VWA5B2: variants seen among roughly 807,000 people sequenced by gnomAD.
VWA5B2 encodes von Willebrand factor A domain containing 5B2.
A neutral mutation model predicts 118.5 loss-of-function variants in VWA5B2; 93 were observed. The observed-to-expected ratio is 0.79, with a 90% CI of 0.66 to 0.93. The LOEUF (loss-of-function observed/expected upper bound fraction) is 0.93, where lower values mean the gene tolerates loss of function less well. Ranked by LOEUF, VWA5B2 falls within the 40% of genes least tolerant of loss-of-function variation. The probability of loss-of-function intolerance (pLI) is 0.00; values close to 1 mark genes in which losing one functional copy is unlikely to be tolerated. For missense variants in VWA5B2, 1,546 were observed against 1,672.8 expected (o/e 0.92, Z 1.32); for synonymous variants, 708 against 716.3 (o/e 0.99, Z 0.19).
Position 184,233,487 on chromosome 3 carries a change from G to C in VWA5B2, c.531-89G>C, listed in dbSNP as rs931689475. 1 of 1,507,310 alleles carries C rather than the reference G, an allele frequency of 6.6e-7. No individual in the cohort carries two copies. Among genetic ancestry groups the C allele is most frequent in the Non-Finnish European group, 8.9e-7 (1 of 1,124,972 alleles). 93.4% of individuals were successfully genotyped at this position (1,507,310 alleles called of 1,614,324 possible). ...GGCACTGGCAGGGTACCCAGGGATG[G>C]GAAGGGTGAGGAAGGGCTGGGGCCA... On this transcript the variant is annotated intron_variant, in intron 4 of 19. Coordinates refer to ENST00000691901, the MANE Select transcript of VWA5B2 (RefSeq NM_001390846.1). The surrounding 1 kb of genome is among the most constrained non-coding windows in gnomAD (Gnocchi z 5.2).
intron 16 of VWA5B2, 25 bp downstream of exon 16, chr3:184,240,061 G>A: frequency 6.7e-7 from 1 of 1,487,672 alleles, no homozygotes; most frequent in Non-Finnish European, 9.0e-7. Flanking sequence ...GGTCCAGTCA[G>A]GACCCAAAGG....
chr3:184,238,171 CCTT>C lies in VWA5B2; in HGVS notation c.1720-128_1720-126del. The C allele has an allele frequency of 1.3e-6, 1 of 769,104 alleles. No individual in the cohort carries two copies. Among genetic ancestry groups the C allele is most frequent in the East Asian group, 2.9e-5 (1 of 34,906 alleles). The allele number at this position is 769,104 out of a possible 1,614,324, so 47.6% of individuals were successfully genotyped here. A position where few individuals can be genotyped will look rare whatever the true frequency, so the allele number is the denominator to read the frequency against. Reference sequence around the variant, plus strand: ...CTTACAGTGAACATGTCTGCTTCCTCCTTCTTTAGTACTGGTCTTTTGTTTCTG... The same window carrying C: ...CTTACAGTGAACATGTCTGCTTCCTCCTTTAGTACTGGTCTTTTGTTTCTG... On this transcript the variant is annotated intron_variant, in intron 12 of 19. Coordinates refer to ENST00000691901, the MANE Select transcript of VWA5B2 (RefSeq NM_001390846.1). The surrounding 1 kb of genome is among the most constrained non-coding windows in gnomAD (Gnocchi z 5.0).
chr3:184,239,800 A>G lies in VWA5B2; in HGVS notation c.2504A>G (p.Gln835Arg). Residue 835 changes from glutamine to arginine, a missense_variant, in exon 16 of 20, where the codon CAG becomes CGG. Coordinates refer to ENST00000691901, the MANE Select transcript of VWA5B2 (RefSeq NM_001390846.1). The surrounding 1 kb of genome is among the most constrained non-coding windows in gnomAD (Gnocchi z 5.1). ...GELAPPAVPP[Q>R]APRCHVVIRG... ...TTGGCCCCTCCAGCAGTGCCTCCCC[A>G]GGCTCCACGCTGCCATGTGGTGATC... 1 of 1,547,272 alleles carries G rather than the reference A, an allele frequency of 6.5e-7. No individual in the cohort carries two copies. The highest frequency in any genetic ancestry group is 1.2e-5 in the South Asian group (1 of 83,786).
rs1438597020 is a variant in VWA5B2, at chr3:184,238,624, A to G, written c.1953A>G (p.Ile651Met). The change falls in exon 14 of 20, where the codon ATA becomes ATG. Residue 651 changes from isoleucine to methionine, a missense_variant. Around this residue, in one of 3 missense-constraint regions of VWA5B2, gnomAD observed 775 missense variants for 882.3 expected, o/e 0.88. Transcript: ENST00000691901. The surrounding 1 kb of genome is among the most constrained non-coding windows in gnomAD (Gnocchi z 5.0). ...DPGPNPSDTA[I>M]WRRIFQSSYI... ...GACCCAACCCCTCTGACACAGCCAT[A>G]TGGCGCCGCATCTTTCAGTCCTCGT... 1 of 1,551,974 alleles carries G rather than the reference A, an allele frequency of 6.4e-7. No individual in the cohort carries two copies. The highest frequency in any genetic ancestry group is 8.7e-7 in the Non-Finnish European group (1 of 1,147,092).
chr3:184,233,618 G>A lies in VWA5B2; in HGVS notation c.573G>A (p.Gly191=). The change falls in exon 5 of 20, where the codon GGG becomes GGA. Residue 191 remains glycine (G), a synonymous_variant. Transcript: ENST00000691901. The surrounding 1 kb of genome is among the most constrained non-coding windows in gnomAD (Gnocchi z 5.2). ...CFGVGSLQEE[G]LAWEELAAPR... ...GGGTGGGCAGCCTTCAGGAGGAAGG[G>A]CTGGCCTGGGAGGAGCTGGCTGCCC... 1.3e-6 allele frequency: 2 copies of A among 1,551,216 alleles called. No individual in the cohort carries two copies. Among genetic ancestry groups the A allele is most frequent in the Non-Finnish European group, 1.7e-6 (2 of 1,146,904 alleles).
chr3:184,240,015 G>T lies in VWA5B2; in HGVS notation c.2719G>T (p.Ala907Ser), dbSNP rs1427424973. Residue 907 changes from alanine (A) to serine (S), a missense_variant, in exon 16 of 20, where the codon GCA becomes TCA. By Grantham distance (99) the Ala-to-Ser change is moderately conservative. Coordinates refer to ENST00000691901, the MANE Select transcript of VWA5B2 (RefSeq NM_001390846.1). ...TGAGCAGCTGGCCCTCCGAGGAGGGGCAGAGACCACAGCTGACCGGGGTGA... is the reference window on the plus strand; with the variant it reads ...TGAGCAGCTGGCCCTCCGAGGAGGGTCAGAGACCACAGCTGACCGGGGTGA... ...DNEQLALRGG[A>S]ETTADRGHAR... 1.9e-6 allele frequency: 3 copies of T among 1,546,244 alleles called. No individual in the cohort carries two copies. In the East Asian group the frequency reaches 7.3e-5, roughly 38 times the overall value.
chr3:184,234,188 C>G (rs563411615), intron 5 of VWA5B2, 78 bp from the exon 6 acceptor site: 1 of 1,511,228 alleles, frequency 6.6e-7, no homozygotes, highest in African/African-American at 1.4e-5. Flanking sequence ...CTGAATCAGC[C>G]ATGACCCCTG....
intron 7 of VWA5B2, 61 bp downstream of exon 7, chr3:184,234,816 G>A: frequency 6.5e-7 from 1 of 1,547,014 alleles, no homozygotes; most frequent in Non-Finnish European, 8.7e-7. Context: ...ACAAGGAGCA[G>A]GCAAGCAGGC....
chr3:184,229,992 A>G (rs1717201842), intron 1 of VWA5B2, among the ~76,000 whole-genome samples: 1 of 152,136 alleles, frequency 6.6e-6, no homozygotes, highest in South Asian at 2.1e-4. Flanking sequence ...CACCAGGGAG[A>G]GAAAGACCAA....
Position 184,230,538 on chromosome 3 carries a change from C to A in VWA5B2, c.10C>A (p.Leu4Met). The A allele has an allele frequency of 6.8e-7, 1 of 1,477,700 alleles. No individual in the cohort carries two copies. The highest frequency in any genetic ancestry group is 8.9e-7 in the Non-Finnish European group (1 of 1,122,424). The allele number at this position is 1,477,700 out of a possible 1,614,324, so 91.5% of individuals were successfully genotyped here. Residue 4 changes from leucine to methionine, a missense_variant, in exon 2 of 20, where the codon CTG becomes ATG. By Grantham distance (15) the Leu-to-Met change is conservative. Around this residue, in one of 3 missense-constraint regions of VWA5B2, gnomAD observed 775 missense variants for 882.3 expected, o/e 0.88. Transcript: ENST00000691901. ...CCGGCCTCCCGGCGCCATGCCCGGC[C>A]TGTACTGCCCCTCCAGCTGGACGCC... The part of the protein sequence containing the change: MPG[L>M]YCPSSWTPLP...
At position 184,241,275 on chromosome 3, in the gene VWA5B2, G is replaced by C; in HGVS notation, c.3051G>C (p.Thr1017=). Residue 1017 remains threonine, a synonymous_variant, in exon 19 of 20, where the codon ACG becomes ACC. Coordinates refer to ENST00000691901, the MANE Select transcript of VWA5B2 (RefSeq NM_001390846.1). This position sits in a 1 kb window ranked among gnomAD's most constrained non-coding sequence, Gnocchi z 5.1. ...KRALGDPATP[T]EGPRRPPPRP... Reference sequence around the variant, plus strand: ...CTTTGGGGGACCCTGCCACTCCCACGGAAGGTCCTCGCCGCCCACCTCCCC... The same window carrying C: ...CTTTGGGGGACCCTGCCACTCCCACCGAAGGTCCTCGCCGCCCACCTCCCC... 6.4e-7 allele frequency: 1 copy of C among 1,551,370 alleles called. No homozygotes were observed. Among genetic ancestry groups the C allele is most frequent in the Non-Finnish European group, 8.7e-7 (1 of 1,146,966 alleles).
intron 3 of VWA5B2, among the ~76,000 whole-genome samples, chr3:184,231,624 C>T (rs945999582): frequency 6.6e-6 from 1 of 152,226 alleles, no homozygotes; most frequent in Admixed American, 6.5e-5. Context: ...TCTGTCTCCC[C>T]GCTGGAGCAT....
chr3:184,236,601 C>A, intron 10 of VWA5B2, 37 bp from the exon 11 acceptor site: 2 of 1,548,480 alleles, frequency 1.3e-6, no homozygotes, highest in Non-Finnish European at 1.7e-6. Context: ...CCACAAGGGG[C>A]TCCTGAAGAT....
chr3:184,234,908 T>C, intron 7 of VWA5B2, 153 bp downstream of exon 7: 2 of 1,264,670 alleles, frequency 1.6e-6, no homozygotes, highest in Admixed American at 2.7e-5. Context: ...AGAGGACAGA[T>C]GAGTATTGTC....
At position 184,241,204 on chromosome 3, in the gene VWA5B2, C is replaced by A. The variant is rs1718585957; in HGVS notation, c.2980C>A (p.Pro994Thr). 1 of 1,550,516 alleles carries A rather than the reference C, an allele frequency of 6.4e-7. No individual in the cohort carries two copies. The highest frequency in any genetic ancestry group is 8.7e-7 in the Non-Finnish European group (1 of 1,146,320). The change falls in exon 19 of 20, where the codon CCA (proline) becomes ACA (threonine). Residue 994 changes from proline (P) to threonine (T), a missense_variant. Physicochemically the swap from Pro to Thr is conservative, Grantham distance 38. Transcript: ENST00000691901. The surrounding 1 kb of genome is among the most constrained non-coding windows in gnomAD (Gnocchi z 5.1). ...VYSKGLQRGS[P>T]AGAWDSDQNG... ...CACTGCAGGACTTCAGAGAGGCTCT[C>A]CAGCAGGCGCCTGGGACTCGGACCA...
rs1331862741 is a variant in VWA5B2, at chr3:184,241,976, C to A, written c.3667C>A (p.Leu1223Met). Residue 1223 changes from leucine (L) to methionine (M), a missense_variant, in exon 20 of 20, where the codon CTG (leucine) becomes ATG (methionine). By Grantham distance (15) the Leu-to-Met change is conservative (BLOSUM62 2). Coordinates refer to ENST00000691901, the MANE Select transcript of VWA5B2 (RefSeq NM_001390846.1). The surrounding 1 kb of genome is among the most constrained non-coding windows in gnomAD (Gnocchi z 5.1). ...CGCAGCCCGAGGGCTCTTCCTGCTACTGCGCCACTGGGACCAAAACCTGCA... is the reference window on the plus strand; with the variant it reads ...CGCAGCCCGAGGGCTCTTCCTGCTAATGCGCCACTGGGACCAAAACCTGCA... ...KAAARGLFLL[L>M]RHWDQNLQLH... 8.4e-6 allele frequency: 13 copies of A among 1,550,228 alleles called. No individual in the cohort carries two copies. Among genetic ancestry groups the A allele is most frequent in the Non-Finnish European group, 1.1e-5 (13 of 1,146,952 alleles).
At position 184,235,140 on chromosome 3, in the gene VWA5B2, C is replaced by G; in HGVS notation, c.946-13C>G. 1 of 1,549,226 alleles carries G rather than the reference C, an allele frequency of 6.5e-7. No homozygotes were observed. The highest frequency in any genetic ancestry group is 8.7e-7 in the Non-Finnish European group (1 of 1,145,118). Reference sequence around the variant, plus strand: ...AAGCCTTGCCCAGGCTGACTTGGGACTCCCCCGCTCAGGTGTGGTTCCTGC... The same window carrying G: ...AAGCCTTGCCCAGGCTGACTTGGGAGTCCCCCGCTCAGGTGTGGTTCCTGC... On this transcript the variant is annotated splice_polypyrimidine_tract_variant and intron_variant, in intron 7 of 19. Transcript: ENST00000691901.
chr3:184,230,700 G>GGGTGCGCCGGGC, intron 2 of VWA5B2, 33 bp downstream of exon 2: 1 of 1,227,084 alleles, frequency 8.1e-7, no homozygotes, highest in Non-Finnish European at 1.0e-6. Flanking sequence ...GCGCGGCGGG[G>GGGTGCGCCGGGC]GGTGCGCCGG....
chr3:184,231,706 G>T (rs543962442), intron 3 of VWA5B2, among the ~76,000 whole-genome samples: 2 of 152,236 alleles, frequency 1.3e-5, no homozygotes, highest in Non-Finnish European at 2.9e-5. Context: ...AGGGACAGAA[G>T]CCCAGCCCTG....
Sources: gnomAD v4.1 joint callset for allele counts (sites outside exome capture counted in the v4.1 genomes callset) on GRCh38, gnomAD v4.1.1 for gene constraint, gnomAD v4.1.1 regional missense constraint, Gnocchi (gnomAD v3.1) non-coding constraint, MANE v1.5 for transcripts, NCBI Gene and HGNC (gene_info 2026-07-23, HGNC 2026-07-21) for gene names.